HMCN1: variants seen among roughly 807,000 people sequenced by gnomAD.
HMCN1 encodes hemicentin-1.
Under a neutral mutation model 625.9 loss-of-function variants are expected in HMCN1, and 321 were observed. That is an observed-to-expected ratio of 0.51 (90% confidence interval 0.47 to 0.56). HMCN1 has a LOEUF of 0.56. Among genes scored for constraint, HMCN1 ranks in the 20% least tolerant of loss-of-function variants. The probability of loss-of-function intolerance (pLI) is 0.00; values close to 1 mark genes in which losing one functional copy is unlikely to be tolerated. For synonymous variants in HMCN1, 2,425 were observed against 2,417.6 expected (o/e 1.00, Z -0.09); for missense variants, 6,588 against 6,887.3 (o/e 0.96, Z 1.54).
chr1:185,948,787 G>C (rs1206152754), intron 11 of HMCN1, among the ~76,000 whole-genome samples: 1 of 151,566 alleles, frequency 6.6e-6, no homozygotes, highest in East Asian at 1.9e-4. Context: ...AAGTGTCGGG[G>C]CGGTGAAAAT....
chr1:185,980,876 A>T (rs1034561194), intron 16 of HMCN1, 102 bp from the exon 17 acceptor site: 2 of 795,510 alleles, frequency 2.5e-6, no homozygotes, highest in East Asian at 2.5e-5. Context: ...TTCAACCAGA[A>T]GGCAGTGCAC....
At chr1:185,970,984 T>C (rs745732435) in intron 15 of HMCN1, among the ~76,000 whole-genome samples, 6 of 152,108 alleles carry the variant, frequency 3.9e-5, no homozygotes, top group Non-Finnish European at 7.3e-5. Flanking sequence ...GTTCGCTGTG[T>C]CAAAAAATTT....
chr1:186,033,552 G>C (rs2102208103), intron 36 of HMCN1, among the ~76,000 whole-genome samples: 1 of 151,866 alleles, frequency 6.6e-6, no homozygotes, highest in East Asian at 1.9e-4. Context: ...GTAATTAATA[G>C]TTATACTACA....
intron 11 of HMCN1, among the ~76,000 whole-genome samples, chr1:185,950,573 G>A (rs972835770): frequency 3.3e-5 from 5 of 151,756 alleles, no homozygotes; most frequent in African/African-American, 4.9e-5. Context: ...GGGAGAGCAC[G>A]TGTGTTTTTA....
At position 186,115,397 on chromosome 1, in the gene HMCN1, A is replaced by G. The variant is rs752654342; in HGVS notation, c.11544A>G (p.Gln3848=). ...ATGGGCATCTTCTTAATGTGGATCA[A>G]AATCAGAACTCATACAGGTAAGGAT... ...RKNGHLLNVD[Q]NQNSYRLLSS... Residue 3848 remains glutamine (Q), a synonymous_variant, in exon 75 of 107, where the codon CAA becomes CAG. Transcript: ENST00000271588. 1.5e-5 allele frequency: 24 copies of G among 1,613,520 alleles called. No homozygotes were observed. The highest frequency in any genetic ancestry group is 3.3e-5 in the Admixed American group (2 of 60,010).
intron 39 of HMCN1, 108 bp from the exon 40 acceptor site, chr1:186,040,905 T>G (rs1656158302): frequency 2.4e-6 from 3 of 1,230,568 alleles, no homozygotes; most frequent in Non-Finnish European, 2.4e-6. Context: ...AAAATCTTCC[T>G]AAAAGGCAAA....
intron 4 of HMCN1, among the ~76,000 whole-genome samples, chr1:185,875,656 A>G (rs1663881900): frequency 6.6e-6 from 1 of 152,080 alleles, no homozygotes; most frequent in South Asian, 2.1e-4. Context: ...CATCTGTGAT[A>G]TGATGTTCTC....
In HMCN1 at chr1:185,844,631, A is replaced by G. The variant is rs1661697954; in HGVS notation, c.269-1395A>G. Among the ~76,000 whole-genome samples, 4 of 152,334 alleles carry G rather than the reference A, an allele frequency of 2.6e-5. No homozygotes were observed. In the South Asian group the frequency reaches 8.3e-4, roughly 32 times the overall value. On this transcript the variant is annotated intron_variant, in intron 1 of 106. Coordinates refer to ENST00000271588, the MANE Select transcript of HMCN1 (RefSeq NM_031935.3). ...TAATTTTGCATTGTAGTTGCACGTTATAGTTTCGAATGAGTCTATATCATC... is the reference window on the plus strand; with the variant it reads ...TAATTTTGCATTGTAGTTGCACGTTGTAGTTTCGAATGAGTCTATATCATC...
intron 63 of HMCN1, among the ~76,000 whole-genome samples, chr1:186,089,376 C>A (rs983494084): frequency 6.6e-6 from 1 of 151,938 alleles, no homozygotes; most frequent in Admixed American, 6.6e-5. Context: ...ACTTTTTCTT[C>A]CAATCTTATA....
At chr1:186,004,232 T>C (rs1041033716) in intron 29 of HMCN1, among the ~76,000 whole-genome samples, 1 of 152,156 alleles carries the variant, frequency 6.6e-6, no homozygotes, top group African/African-American at 2.4e-5. Flanking sequence ...GTTCTGTGTA[T>C]GGGCAAAAAG....
intron 1 of HMCN1, among the ~76,000 whole-genome samples, chr1:185,820,483 A>T (rs1240600571): frequency 6.6e-6 from 1 of 152,188 alleles, no homozygotes; most frequent in Non-Finnish European, 1.5e-5. Context: ...TAGTTCATCA[A>T]TCAATCTTGC....
chr1:186,033,462 T>C (rs1571749760), intron 36 of HMCN1, among the ~76,000 whole-genome samples: 4 of 152,200 alleles, frequency 2.6e-5, no homozygotes, highest in African/African-American at 9.6e-5. Context: ...ATAAATTGTA[T>C]AGTAGTTGTA....
chr1:186,063,499 AAGGAAGGAAGGAAGGG>A (rs1327267387), intron 48 of HMCN1, among the ~76,000 whole-genome samples: 2 of 120,768 alleles, frequency 1.7e-5, no homozygotes, highest in African/African-American at 7.5e-5. Context: ...GGAAGGAAGG[AAGGAAGGAAGGAAGGG>A]AGTCTTTTCC....
At chr1:185,967,892 G>A (rs1379932837) in intron 14 of HMCN1, among the ~76,000 whole-genome samples, 1 of 152,094 alleles carries the variant, frequency 6.6e-6, no homozygotes, top group Non-Finnish European at 1.5e-5. Flanking sequence ...TGAACAAACT[G>A]TATTCCATTC....
At chr1:186,125,859 T>C in intron 82 of HMCN1, 65 bp downstream of exon 82, 1 of 1,190,510 alleles carries the variant, frequency 8.4e-7, no homozygotes, top group Non-Finnish European at 1.2e-6. Flanking sequence ...ATACTTTTAG[T>C]AATTTAGCAT....
chr1:186,088,274 T>C lies in HMCN1; in HGVS notation c.9575T>C (p.Ile3192Thr). ...TIAWLKNHKR[I>T]ENSDSLEVRI... The stretch of plus-strand genomic sequence containing the variant: ...GCATGGTTAAAGAACCACAAGCGCA[T>C]AGGTAAGGCAACCATGCATTTTTGT... The change falls in exon 62 of 107, where the codon ATA (isoleucine) becomes ACA (threonine). Residue 3192 changes from isoleucine to threonine, a missense_variant and splice_region_variant. By Grantham distance (89) the Ile-to-Thr change is moderately conservative. Transcript: ENST00000271588. The C allele has an allele frequency of 6.2e-7, 1 of 1,612,676 alleles. No homozygotes were observed. The highest frequency in any genetic ancestry group is 1.1e-5 in the South Asian group (1 of 91,058).
At chr1:186,087,690 G>A in intron 60 of HMCN1, 45 bp downstream of exon 60, 1 of 1,568,552 alleles carries the variant, frequency 6.4e-7, no homozygotes, top group Non-Finnish European at 8.8e-7. Context: ...CCTTGGTGGG[G>A]TGGTGGAAAA....
chr1:185,859,018 GAT>G (rs1662687487), intron 2 of HMCN1, among the ~76,000 whole-genome samples: 1 of 109,992 alleles, frequency 9.1e-6, no homozygotes, highest in Non-Finnish European at 1.8e-5. Context: ...GTGGGTTAAA[GAT>G]GTGTGTGTGT....
intron 83 of HMCN1, among the ~76,000 whole-genome samples, chr1:186,129,071 A>C (rs1661791428): frequency 6.6e-6 from 1 of 152,106 alleles, no homozygotes; most frequent in Admixed American, 6.6e-5. Context: ...TCACTAAGAA[A>C]AAACAGACAC....
Sources: allele counts gnomAD v4.1 joint callset (sites outside exome capture counted in the v4.1 genomes callset), GRCh38; gene constraint gnomAD v4.1.1; transcripts MANE v1.5; gene names NCBI Gene and HGNC (gene_info 2026-07-23, HGNC 2026-07-21).